The following NARF variants were observed in gnomAD, a reference collection of about 807,000 sequenced individuals.
NARF encodes the protein iron-only hydrogenase-like protein 2.
A neutral mutation model predicts 48.0 loss-of-function variants in NARF; 41 were observed. The ratio of observed to expected loss-of-function variants is 0.85; its 90% CI spans 0.66 to 1.11. The LOEUF (loss-of-function observed/expected upper bound fraction) is 1.11, where lower values mean the gene tolerates loss of function less well. Ranked by LOEUF, NARF falls within the 50% of genes least tolerant of loss-of-function variation. NARF has a pLI of 0.00. For missense variants in NARF, 613 were observed against 590.2 expected (o/e 1.04, Z -0.40); for synonymous variants, 215 against 225.5 (o/e 0.95, Z 0.42).
At chr17:82,476,876 G>C (rs1048053046) in intron 5 of NARF, 1 of 151,702 alleles carries the variant, frequency 6.6e-6, no homozygotes, top group South Asian at 2.1e-4. Flanking sequence ...GATTAGAGGC[G>C]CCTGCCACCA....
At position 82,485,777 on chromosome 17, in the gene NARF, T is replaced by TG. The variant is rs1196330696; in HGVS notation, c.1129+124dup. On this transcript the variant is annotated intron_variant, in intron 10 of 10. Coordinates refer to ENST00000309794, the MANE Select transcript of NARF (RefSeq NM_012336.4). ...GAGCCTCTCTCAGCCCTGAGAGCTT[T>TG]GTAGGGTATGGATGCTCCCGTGGGG... is the stretch of plus-strand genomic sequence containing the variant. 45 of 1,135,946 alleles carry TG rather than the reference T, an allele frequency of 4.0e-5. 1 individual carries two copies. The East Asian group carries it at 1.1e-3, about 27-fold the overall frequency. 70.4% of individuals were successfully genotyped at this position (1,135,946 alleles called of 1,614,324 possible). A position where few individuals can be genotyped will look rare whatever the true frequency, so the allele number is the denominator to read the frequency against.
intron 8 of NARF, 46 bp downstream of exon 8, chr17:82,483,825 C>T (rs369806486): frequency 4.4e-6 from 7 of 1,580,794 alleles, no homozygotes; most frequent in East Asian, 2.2e-5. Flanking sequence ...CAGGACCTCT[C>T]GTCAGCCCTG....
rs2044139596 is a variant in NARF at position 82,488,116 on chromosome 17, A to C, written c.1330A>C (p.Ser444Arg). ...AGAGGTGCTGCATACCACGTACCAG[A>C]GCCAGGAGCGTGGCACACACAGCCT... The part of the protein sequence containing the change: ...AREVLHTTYQ[S>R]QERGTHSLDI... Residue 444 changes from serine to arginine, a missense_variant, in exon 11 of 11, where the codon AGC (serine) becomes CGC (arginine). Coordinates refer to ENST00000309794, the MANE Select transcript of NARF (RefSeq NM_012336.4). 6.2e-7 allele frequency: 1 copy of C among 1,613,910 alleles called. No homozygotes were observed. Among genetic ancestry groups the C allele is most frequent in the Non-Finnish European group, 8.5e-7 (1 of 1,180,038 alleles).
chr17:82,486,340 CG>C (rs144086012), intron 10 of NARF, among the ~76,000 whole-genome samples: 5 of 151,584 alleles, frequency 3.3e-5, no homozygotes, highest in Middle Eastern at 3.4e-3. Flanking sequence ...CATTGTGAGT[CG>C]GGGGGGGCAC....
chr17:82,471,635 A>C (rs1389640474), intron 4 of NARF, among the ~76,000 whole-genome samples: 5 of 138,984 alleles, frequency 3.6e-5, no homozygotes, highest in Non-Finnish European at 7.8e-5. Context: ...TACTAAAAAT[A>C]CAAAAAATTA....
rs1032080766 is a variant in NARF, at chr17:82,486,804, A to C, written c.1130-1112A>C. Reference sequence around the variant, plus strand: ...TGGAACCCATGGGGAGTGAGGTTTAACCAGGGAAATTTGCTCCAGATTGTT... The same window carrying C: ...TGGAACCCATGGGGAGTGAGGTTTACCCAGGGAAATTTGCTCCAGATTGTT... On this transcript the variant is annotated intron_variant, in intron 10 of 10. Transcript: ENST00000309794. Among the ~76,000 whole-genome samples the C allele has an allele frequency of 2.6e-5, 4 of 152,212 alleles. No individual in the cohort carries two copies. In the East Asian group the frequency reaches 7.7e-4, roughly 29 times the overall value.
chr17:82,473,318 G>A (rs1470212113), intron 5 of NARF, among the ~76,000 whole-genome samples: 37 of 137,844 alleles, frequency 2.7e-4, no homozygotes, highest in African/African-American at 3.6e-4. Context: ...TTTTGGAGAC[G>A]GAATCTCAGT....
chr17:82,471,224 G>A (rs1430611112), intron 4 of NARF, among the ~76,000 whole-genome samples: 2 of 151,610 alleles, frequency 1.3e-5, no homozygotes, highest in Non-Finnish European at 2.9e-5. Flanking sequence ...GGGAGGCCGA[G>A]GTGGGCGGAT....
intron 1 of NARF, 179 bp downstream of exon 1, chr17:82,459,009 C>G: frequency 8.3e-7 from 1 of 1,210,888 alleles, no homozygotes. Flanking sequence ...CCGCTGCGCT[C>G]TGCAGGGCGG....
At chr17:82,458,562 C>T (rs1726592335), upstream of NARF, 2 of 468,988 alleles carry the variant, frequency 4.3e-6, no homozygotes, top group Non-Finnish European at 7.0e-6. Context: ...GCTCTGGGGC[C>T]TGGCCCGCCC....
chr17:82,478,170 G>A (rs2043877241), intron 5 of NARF, among the ~76,000 whole-genome samples: 1 of 152,182 alleles, frequency 6.6e-6, no homozygotes, highest in Admixed American at 6.5e-5. Context: ...CTCCTGCGGT[G>A]GAATTGCTGT....
chr17:82,468,326 T>C (rs2043619280), intron 3 of NARF, among the ~76,000 whole-genome samples: 2 of 150,824 alleles, frequency 1.3e-5, no homozygotes, highest in African/African-American at 4.9e-5. Context: ...TTTTTTTTAC[T>C]GTAGCCTGGG....
chr17:82,487,978 C>T lies in NARF; in HGVS notation c.1192C>T (p.Arg398Trp), dbSNP rs748971931. 25 of 1,614,066 alleles carry T rather than the reference C, an allele frequency of 1.5e-5. No individual in the cohort carries two copies. Among genetic ancestry groups the T allele is most frequent in the Non-Finnish European group, 1.9e-5 (22 of 1,180,044 alleles). Residue 398 changes from arginine to tryptophan, a missense_variant, in exon 11 of 11, where the codon CGG (arginine) becomes TGG (tryptophan). Physicochemically the swap from Arg to Trp is moderately radical, Grantham distance 101. Coordinates refer to ENST00000309794, the MANE Select transcript of NARF (RefSeq NM_012336.4). Reference protein sequence around the residue: ...PDGHADKALLRQMEGIYADIP... With the variant: ...PDGHADKALLWQMEGIYADIP... ...CGGACATGCGGATAAGGCCCTGCTG[C>T]GGCAGATGGAAGGCATTTACGCTGA...
intron 7 of NARF, chr17:82,483,284 A>T (rs942336780): frequency 5.5e-6 from 2 of 362,486 alleles, no homozygotes; most frequent in Non-Finnish European, 1.1e-5. Flanking sequence ...GCACCACTGG[A>T]CTCCAGCCTG....
rs561058216 is a variant in NARF, at chr17:82,488,422, C to T, written c.*265C>T. ...ACGGAGTCTCACTCTGTCACCCAGG[C>T]TGGAGTGCAATGGCGCAATCTCAGC... On this transcript the variant is annotated 3_prime_UTR_variant, in exon 11 of 11. Coordinates refer to ENST00000309794, the MANE Select transcript of NARF (RefSeq NM_012336.4). 12 of 397,920 alleles carry T rather than the reference C, an allele frequency of 3.0e-5. No individual in the cohort carries two copies. In the East Asian group the frequency reaches 6.4e-4, roughly 21 times the overall value. The allele number at this position is 397,920 out of a possible 1,614,324, so 24.6% of individuals were successfully genotyped here.
intron 3 of NARF, among the ~76,000 whole-genome samples, chr17:82,466,227 TA>T (rs1175125066): frequency 3.3e-5 from 5 of 152,208 alleles, no homozygotes; most frequent in East Asian, 1.9e-4. Context: ...CCCTAAGTGA[TA>T]GGGGCAAACA....
intron 4 of NARF, among the ~76,000 whole-genome samples, chr17:82,469,181 A>G (rs1004775123): frequency 6.6e-6 from 1 of 152,236 alleles, no homozygotes; most frequent in South Asian, 2.1e-4. Flanking sequence ...CAACACGGAC[A>G]GGACACTGGG....
At chr17:82,477,531 AAC>A (rs2043860675) in intron 5 of NARF, 1 of 152,100 alleles carries the variant, frequency 6.6e-6, no homozygotes, top group African/African-American at 2.4e-5. Context: ...CCAAAAAAAC[AAC>A]ACAGAGTCTT....
chr17:82,478,302 G>A (rs1023050152), intron 5 of NARF, among the ~76,000 whole-genome samples: 2 of 152,212 alleles, frequency 1.3e-5, no homozygotes, highest in Non-Finnish European at 2.9e-5. Context: ...TATTTATTAC[G>A]ACTTGAGGAG....
Sources: allele counts gnomAD v4.1 joint callset (sites outside exome capture counted in the v4.1 genomes callset), GRCh38; gene constraint gnomAD v4.1.1; transcripts MANE v1.5; gene names NCBI Gene and HGNC (gene_info 2026-07-23, HGNC 2026-07-21).